The following CCDC60 variants were observed in gnomAD, a reference collection of about 807,000 sequenced individuals.
The protein encoded by CCDC60 is coiled-coil domain containing 60, also known as coiled-coil domain-containing protein 60.
CCDC60 carries 54 observed loss-of-function variants against 63.5 expected under a neutral mutation model. That is an observed-to-expected ratio of 0.85 (90% CI 0.68 to 1.07). CCDC60 has a LOEUF of 1.07. Ranked by LOEUF, CCDC60 falls within the 50% of genes least tolerant of loss-of-function variation. The pLI, the probability that CCDC60 is intolerant of heterozygous loss-of-function variation, is 0.00. For missense variants in CCDC60, 651 were observed against 684.3 expected, an observed-to-expected ratio of 0.95 and a Z score of 0.54; for synonymous variants, 206 against 238.8, an observed-to-expected ratio of 0.86 and a Z score of 1.27.
At chr12:119,422,074 C>T (rs1284790696) in intron 1 of CCDC60, among the ~76,000 whole-genome samples, 8 of 151,982 alleles carry the variant, frequency 5.3e-5, no homozygotes, top group African/African-American at 9.7e-5. Context: ...CTCATTGGGT[C>T]GATAAGAGAA....
chr12:119,482,107 TAC>T (rs1207335606), intron 4 of CCDC60, among the ~76,000 whole-genome samples: 1 of 146,294 alleles, frequency 6.8e-6, no homozygotes, highest in East Asian at 2.0e-4. Flanking sequence ...TACACATATA[TAC>T]ACACATATAT....
At chr12:119,522,498 G>A (rs556140904) in intron 9 of CCDC60, among the ~76,000 whole-genome samples, 144 of 152,170 alleles carry the variant, frequency 9.5e-4, no homozygotes, top group Non-Finnish European at 1.7e-3. Flanking sequence ...TCACTAAACT[G>A]CACCTGGTCC....
chr12:119,524,007 A>G (rs1952608131), intron 11 of CCDC60, among the ~76,000 whole-genome samples, 189 bp downstream of exon 11: 1 of 152,212 alleles, frequency 6.6e-6, no homozygotes, highest in Non-Finnish European at 1.5e-5. Flanking sequence ...ATATAGGTAC[A>G]AATTCTAATC....
At chr12:119,462,401 C>T (rs1039622357) in intron 2 of CCDC60, among the ~76,000 whole-genome samples, 1 of 152,174 alleles carries the variant, frequency 6.6e-6, no homozygotes, top group African/African-American at 2.4e-5. Flanking sequence ...CACTAGGATG[C>T]TCAGGGCCAA....
At chr12:119,372,664 C>T (rs773426728) in intron 1 of CCDC60, among the ~76,000 whole-genome samples, 2 of 152,154 alleles carry the variant, frequency 1.3e-5, no homozygotes, top group African/African-American at 2.4e-5. Context: ...AGAGATATCT[C>T]GGTGCTTGAG....
intron 2 of CCDC60, among the ~76,000 whole-genome samples, chr12:119,464,200 G>A (rs1950909541): frequency 6.9e-6 from 1 of 144,186 alleles, no homozygotes; most frequent in Non-Finnish European, 1.5e-5. Flanking sequence ...ATTTGGGGAG[G>A]ACACAACTGA....
intron 4 of CCDC60, among the ~76,000 whole-genome samples, chr12:119,480,557 C>T (rs911937156): frequency 1.3e-5 from 2 of 151,024 alleles, no homozygotes; most frequent in African/African-American, 4.9e-5. Flanking sequence ...AAAACCATCA[C>T]CAACACCATC....
At chr12:119,392,422 T>C (rs943019714) in intron 1 of CCDC60, among the ~76,000 whole-genome samples, 15 of 152,130 alleles carry the variant, frequency 9.9e-5, no homozygotes, top group East Asian at 1.9e-4. Context: ...TCCTGAGAGT[T>C]TGGAATTATG....
intron 5 of CCDC60, among the ~76,000 whole-genome samples, chr12:119,490,477 C>T (rs771143122): frequency 5.3e-5 from 8 of 152,268 alleles, no homozygotes; most frequent in East Asian, 1.9e-4. Flanking sequence ...ATCCCCATCA[C>T]GGCACCCTAG....
chr12:119,510,817 C>G (rs918521225), intron 7 of CCDC60, among the ~76,000 whole-genome samples: 4 of 152,114 alleles, frequency 2.6e-5, no homozygotes, highest in African/African-American at 9.7e-5. Flanking sequence ...TACGAAAGTG[C>G]CCACTCCCAG....
In CCDC60 at chr12:119,404,699, G is replaced by A. The variant is rs549455523; in HGVS notation, c.91-23984G>A. On this transcript the variant is annotated intron_variant, in intron 1 of 13. Coordinates refer to ENST00000327554, the MANE Select transcript of CCDC60 (RefSeq NM_178499.5). ...GATGAGGACAGGTAGGTCTGTCAGA[G>A]GTTAGGCAGATAGGGCACTCTTGAA... Among the ~76,000 whole-genome samples, 12 of 152,314 alleles carry A rather than the reference G, an allele frequency of 7.9e-5. No individual in the cohort carries two copies. The East Asian group carries it at 2.3e-3, about 29-fold the overall frequency.
intron 1 of CCDC60, among the ~76,000 whole-genome samples, chr12:119,416,389 T>G (rs575198345): frequency 2.0e-5 from 3 of 152,022 alleles, no homozygotes; most frequent in African/African-American, 7.2e-5. Context: ...CAAATAATAA[T>G]GATAATAATA....
intron 5 of CCDC60, among the ~76,000 whole-genome samples, chr12:119,489,649 AAAAGT>A (rs1263314774): frequency 6.6e-6 from 1 of 152,214 alleles, no homozygotes; most frequent in Non-Finnish European, 1.5e-5. Flanking sequence ...GAGGACAAAC[AAAAGT>A]AAAGAACCCT....
intron 1 of CCDC60, among the ~76,000 whole-genome samples, chr12:119,418,552 C>T (rs1956752597): frequency 6.6e-6 from 1 of 151,428 alleles, no homozygotes; most frequent in Non-Finnish European, 1.5e-5. Context: ...GTAGCTGGGA[C>T]TACAGGTGCA....
At chr12:119,524,534 T>C in intron 11 of CCDC60, 2 of 742,510 alleles carry the variant, frequency 2.7e-6, no homozygotes, top group Middle Eastern at 6.8e-4. Context: ...GACTAATCCT[T>C]GCCCTTTCCT....
At chr12:119,352,188 C>G (rs557684684) in intron 1 of CCDC60, among the ~76,000 whole-genome samples, 1 of 152,184 alleles carries the variant, frequency 6.6e-6, no homozygotes, top group South Asian at 2.1e-4. Context: ...CATGAGAATT[C>G]ATTCACTATT....
intron 13 of CCDC60, among the ~76,000 whole-genome samples, chr12:119,538,360 C>G (rs137958424): frequency 6.6e-6 from 1 of 152,334 alleles, no homozygotes; most frequent in East Asian, 1.9e-4. Flanking sequence ...ACCCCCAACC[C>G]CTTGCACTTC....
chr12:119,341,953 G>C (rs554608837), intron 1 of CCDC60, among the ~76,000 whole-genome samples: 1 of 152,302 alleles, frequency 6.6e-6, no homozygotes, highest in South Asian at 2.1e-4. Context: ...TAATCCCATA[G>C]AGAGCCAAAG....
intron 11 of CCDC60, 41 bp from the exon 12 acceptor site, chr12:119,528,574 G>A (rs373098752): frequency 1.4e-4 from 218 of 1,591,452 alleles, no homozygotes; most frequent in Non-Finnish European, 1.7e-4. Context: ...ACAGGAGGAG[G>A]GGATCTCATT....
Sources: allele counts gnomAD v4.1 joint callset (sites outside exome capture counted in the v4.1 genomes callset), GRCh38; gene constraint gnomAD v4.1.1; transcripts MANE v1.5; gene names NCBI Gene and HGNC (gene_info 2026-07-23, HGNC 2026-07-21).